GRID2: variants seen among roughly 807,000 people sequenced by gnomAD.
The protein encoded by GRID2 is glutamate receptor ionotropic, delta-2.
Under a neutral mutation model 114.8 loss-of-function variants are expected in GRID2, and 33 were observed. That is an observed-to-expected ratio of 0.29 (90% CI 0.22 to 0.38). GRID2 has a LOEUF of 0.38. GRID2 is among the 10% of genes least tolerant of loss of function. GRID2 has a pLI of 1.00. For missense variants in GRID2, 1,184 were observed against 1,257.7 expected (o/e 0.94, Z 0.89); for synonymous variants, 505 against 449.9 (o/e 1.12, Z -1.55).
At chr4:93,756,462 A>T (rs1732756810) in intron 14 of GRID2, among the ~76,000 whole-genome samples, 1 of 152,200 alleles carries the variant, frequency 6.6e-6, no homozygotes, top group Admixed American at 6.5e-5. Flanking sequence ...AGATCAAGCA[A>T]GGTTTCAGCA....
intron 10 of GRID2, among the ~76,000 whole-genome samples, chr4:93,434,460 A>T (rs1037007467): frequency 9.2e-5 from 14 of 151,896 alleles, no homozygotes; most frequent in Admixed American, 3.3e-4. Flanking sequence ...AAAAATATAT[A>T]AAAAAAATTT....
chr4:92,455,445 G>A (rs2149082652), intron 1 of GRID2, among the ~76,000 whole-genome samples: 1 of 152,260 alleles, frequency 6.6e-6, no homozygotes, highest in Middle Eastern at 3.4e-3. Context: ...AGAAGGAGAA[G>A]TACACCATCA....
At chr4:92,775,468 G>GT (rs1402188403) in intron 2 of GRID2, among the ~76,000 whole-genome samples, 1 of 152,096 alleles carries the variant, frequency 6.6e-6, no homozygotes, top group African/African-American at 2.4e-5. Context: ...CTTCCAAGAG[G>GT]AAGTCTATGC....
intron 1 of GRID2, among the ~76,000 whole-genome samples, chr4:92,588,268 GAC>G (rs1454114011): frequency 6.6e-6 from 1 of 151,958 alleles, no homozygotes; most frequent in Non-Finnish European, 1.5e-5. Flanking sequence ...GTTCAGAAAA[GAC>G]AGGTTAAGTA....
intron 5 of GRID2, among the ~76,000 whole-genome samples, chr4:93,214,167 G>A (rs573377461): frequency 6.6e-6 from 1 of 151,926 alleles, no homozygotes; most frequent in Non-Finnish European, 1.5e-5. Flanking sequence ...GGTGCTGGGG[G>A]CTTGGGAGAG....
chr4:93,663,611 C>T (rs1723692715), intron 14 of GRID2, among the ~76,000 whole-genome samples: 1 of 152,082 alleles, frequency 6.6e-6, no homozygotes, highest in Non-Finnish European at 1.5e-5. Flanking sequence ...AGTGTAGGCT[C>T]TAAGGATCAG....
chr4:92,910,754 C>A (rs532996598), intron 2 of GRID2, among the ~76,000 whole-genome samples: 3 of 152,050 alleles, frequency 2.0e-5, no homozygotes, highest in Non-Finnish European at 4.4e-5. Flanking sequence ...TGCATATAAC[C>A]TATGCATATA....
chr4:93,289,430 C>T (rs1242021266), intron 8 of GRID2, among the ~76,000 whole-genome samples: 1 of 151,984 alleles, frequency 6.6e-6, no homozygotes, highest in Admixed American at 6.6e-5. Flanking sequence ...CAAATCCAGA[C>T]CTTATCGGGA....
At chr4:93,278,606 T>C (rs1752323383) in intron 8 of GRID2, among the ~76,000 whole-genome samples, 1 of 151,976 alleles carries the variant, frequency 6.6e-6, no homozygotes, top group Admixed American at 6.6e-5. Flanking sequence ...TTCATTCAAT[T>C]AAACCTTATT....
intron 14 of GRID2, among the ~76,000 whole-genome samples, chr4:93,670,020 G>A (rs762497764): frequency 6.6e-6 from 1 of 151,970 alleles, no homozygotes; most frequent in Non-Finnish European, 1.5e-5. Context: ...GGATAAATTA[G>A]TGGCAAAATG....
intron 3 of GRID2, among the ~76,000 whole-genome samples, chr4:93,108,162 A>C (rs1732428462): frequency 6.6e-6 from 1 of 152,184 alleles, no homozygotes; most frequent in Non-Finnish European, 1.5e-5. Context: ...CTAGTTTTGC[A>C]GAGAAACCTT....
chr4:93,209,232 G>A (rs1438714052), intron 5 of GRID2, among the ~76,000 whole-genome samples: 1 of 151,878 alleles, frequency 6.6e-6, no homozygotes, highest in East Asian at 1.9e-4. Context: ...TATTTTTCCT[G>A]TTCCTTTTCT....
intron 4 of GRID2, among the ~76,000 whole-genome samples, chr4:93,197,276 A>G (rs533768928): frequency 3.3e-5 from 5 of 152,314 alleles, no homozygotes; most frequent in South Asian, 2.1e-4. Context: ...AAAATTTTGT[A>G]GAACATATCT....
intron 9 of GRID2, among the ~76,000 whole-genome samples, chr4:93,408,333 T>C (rs1349525249): frequency 6.6e-6 from 1 of 151,970 alleles, no homozygotes; most frequent in Admixed American, 6.6e-5. Context: ...GAACATATGC[T>C]GAGAAATGCA....
chr4:92,480,278 T>C (rs1311529181), intron 1 of GRID2, among the ~76,000 whole-genome samples: 1 of 152,174 alleles, frequency 6.6e-6, no homozygotes, highest in Non-Finnish European at 1.5e-5. Context: ...TCATTTCTTA[T>C]GATAATCACA....
chr4:93,697,261 C>A (rs1727099624), intron 14 of GRID2, among the ~76,000 whole-genome samples: 3 of 152,042 alleles, frequency 2.0e-5, no homozygotes, highest in African/African-American at 7.2e-5. Flanking sequence ...GGAAATAATT[C>A]TTTTCTGAAA....
intron 1 of GRID2, among the ~76,000 whole-genome samples, chr4:92,315,993 C>CAAAAAAAAAAAAAAAAAAAAAAAATCA (rs778361565): frequency 1.6e-5 from 1 of 61,916 alleles, no homozygotes; most frequent in Non-Finnish European, 3.1e-5. Flanking sequence ...AAACAAAAAG[C>CAAAAAAAAAAAAAAAAAAAAAAAATCA]AAAAAAAAAA....
At chr4:92,601,777 TAATA>T (rs1456331033) in intron 2 of GRID2, among the ~76,000 whole-genome samples, 1 of 151,126 alleles carries the variant, frequency 6.6e-6, no homozygotes, top group Non-Finnish European at 1.5e-5. Context: ...CCTGCTGAAA[TAATA>T]AAGAAAAGAG....
At chr4:92,909,137 TTTTTA>T (rs1170424352) in intron 2 of GRID2, among the ~76,000 whole-genome samples, 1 of 152,124 alleles carries the variant, frequency 6.6e-6, no homozygotes, top group African/African-American at 2.4e-5. Flanking sequence ...AAAGAATTAT[TTTTTA>T]TTTTAAGTAA....
Sources: allele counts gnomAD v4.1 joint callset (sites outside exome capture counted in the v4.1 genomes callset), GRCh38; gene constraint gnomAD v4.1.1; transcripts MANE v1.5; gene names NCBI Gene and HGNC (gene_info 2026-07-23, HGNC 2026-07-21).